PRELID2: variants seen among roughly 807,000 people sequenced by gnomAD.
PRELID2 encodes PRELI domain-containing protein 2.
PRELID2 carries 25 observed loss-of-function variants against 28.4 expected under a neutral mutation model. The ratio of observed to expected loss-of-function variants is 0.88; its 90% confidence interval spans 0.64 to 1.23. The LOEUF (loss-of-function observed/expected upper bound fraction) is 1.23. Among genes scored for constraint, PRELID2 ranks in the 50% most tolerant of loss-of-function variants. The pLI, the probability that PRELID2 is intolerant of heterozygous loss-of-function variation, is 0.00. For missense variants in PRELID2, 201 were observed against 214.4 expected, an observed-to-expected ratio of 0.94 and a Z score of 0.39; for synonymous variants, 76 against 71.6, an observed-to-expected ratio of 1.06 and a Z score of -0.31.
intron 1 of PRELID2, among the ~76,000 whole-genome samples, chr5:145,592,110 G>A (rs752842653): frequency 6.6e-5 from 10 of 152,058 alleles, no homozygotes; most frequent in East Asian, 3.9e-4. Context: ...ACCATCTTGC[G>A]CATCATTAGA....
chr5:145,576,254 A>G (rs1008684209), intron 1 of PRELID2, among the ~76,000 whole-genome samples: 2 of 152,146 alleles, frequency 1.3e-5, no homozygotes, highest in African/African-American at 4.8e-5. Context: ...GAAACCCCAT[A>G]TTAGCAGTCA....
intron 1 of PRELID2, among the ~76,000 whole-genome samples, chr5:145,519,340 C>G (rs923987113): frequency 6.6e-6 from 1 of 152,084 alleles, no homozygotes; most frequent in Non-Finnish European, 1.5e-5. Context: ...GTGTTAGACA[C>G]AATGTTTTAT....
chr5:145,542,183 C>T (rs536298864), intron 1 of PRELID2, among the ~76,000 whole-genome samples: 1 of 152,208 alleles, frequency 6.6e-6, no homozygotes, highest in African/African-American at 2.4e-5. Context: ...ACCTTTCGGT[C>T]TCCTCTGCTT....
intron 5 of PRELID2, among the ~76,000 whole-genome samples, chr5:145,792,149 C>T (rs1309784253): frequency 6.6e-6 from 1 of 152,120 alleles, no homozygotes; most frequent in Non-Finnish European, 1.5e-5. Context: ...ACGCAAGTGG[C>T]TTAAGTGCAC....
the PRELID2 span, among the ~76,000 whole-genome samples, chr5:145,234,417 G>A: frequency 2.0e-5 from 3 of 152,158 alleles, no homozygotes; most frequent in Non-Finnish European, 4.4e-5. Flanking sequence ...CAAAGGTAGA[G>A]TAAATACTTA....
the PRELID2 span, among the ~76,000 whole-genome samples, chr5:145,284,804 T>C: frequency 6.6e-6 from 1 of 152,132 alleles, no homozygotes; most frequent in Non-Finnish European, 1.5e-5. Flanking sequence ...AGGAATTTTC[T>C]TAACTAAGAG....
At chr5:145,622,660 A>C (rs1180997568) in intron 1 of PRELID2, among the ~76,000 whole-genome samples, 1 of 152,146 alleles carries the variant, frequency 6.6e-6, no homozygotes, top group Non-Finnish European at 1.5e-5. Flanking sequence ...TTGTTCAAGA[A>C]GGTTATTAAG....
In PRELID2 at chr5:145,728,742, A is replaced by G. The variant is rs188975887; in HGVS notation, n.70+36189T>C. 1,327 of 1,501,112 alleles carry G rather than the reference A, an allele frequency of 8.8e-4. 10 individuals are homozygous for G. In the African/African-American group the frequency reaches 0.016, roughly 18 times the overall value. The allele number at this position is 1,501,112 out of a possible 1,614,324, so 93.0% of individuals were successfully genotyped here. A position where few individuals can be genotyped will look rare whatever the true frequency, so the allele number is the denominator to read the frequency against. On this transcript the variant is annotated intron_variant and non_coding_transcript_variant, in intron 1 of 2. Transcript: ENST00000510259. ...GAACAGTGTCTTAAAACTCTCTTCA[A>G]CTGTTGTGAAGGCTTCATTTTGTTT...
At chr5:145,310,407 C>T in the PRELID2 span, among the ~76,000 whole-genome samples, 1 of 152,132 alleles carries the variant, frequency 6.6e-6, no homozygotes, top group South Asian at 2.1e-4. Context: ...GAAAATGCCA[C>T]CTTTGGAGAC....
intron 1 of PRELID2, among the ~76,000 whole-genome samples, chr5:145,654,835 G>T (rs2149673545): frequency 6.6e-6 from 1 of 152,240 alleles, no homozygotes; most frequent in South Asian, 2.1e-4. Context: ...TTGAAAACTG[G>T]CACAAGACAG....
the PRELID2 span, among the ~76,000 whole-genome samples, chr5:145,309,441 T>C: frequency 3.3e-5 from 5 of 152,290 alleles, no homozygotes; most frequent in East Asian, 1.9e-4. Context: ...TGATGCAGGA[T>C]TGCAGAATAG....
intron 1 of PRELID2, among the ~76,000 whole-genome samples, chr5:145,593,400 A>G (rs1594673): frequency 0.18 from 27,930 of 152,124 alleles, 4,363 homozygotes; most frequent in African/African-American, 0.42. Context: ...AAGGTTTCTA[A>G]GGTCATTTCA....
intron 1 of PRELID2, among the ~76,000 whole-genome samples, chr5:145,502,757 T>C (rs1752370737): frequency 6.6e-6 from 1 of 152,030 alleles, no homozygotes; most frequent in Non-Finnish European, 1.5e-5. Flanking sequence ...GTTAATTAAT[T>C]ACAGGCCTCC....
At chr5:145,802,361 G>A (rs1344404713) in intron 4 of PRELID2, among the ~76,000 whole-genome samples, 1 of 152,094 alleles carries the variant, frequency 6.6e-6, no homozygotes, top group Non-Finnish European at 1.5e-5. Flanking sequence ...AACAGATCAG[G>A]CCAAATGTTT....
At chr5:145,661,760 A>G (rs1436498246) in intron 1 of PRELID2, among the ~76,000 whole-genome samples, 1 of 152,086 alleles carries the variant, frequency 6.6e-6, no homozygotes, top group Non-Finnish European at 1.5e-5. Flanking sequence ...TATTCTAAAC[A>G]GCATGTAGTC....
At chr5:145,393,625 G>A in the PRELID2 span, among the ~76,000 whole-genome samples, 2 of 152,170 alleles carry the variant, frequency 1.3e-5, no homozygotes, top group Non-Finnish European at 2.9e-5. Flanking sequence ...AACCTGGTTT[G>A]AACAGTTAGC....
chr5:145,230,838 C>T, the PRELID2 span, among the ~76,000 whole-genome samples: 52 of 152,306 alleles, frequency 3.4e-4, no homozygotes, highest in Admixed American at 1.3e-3. Context: ...AAATCCATTT[C>T]CATGATGGCT....
the PRELID2 span, among the ~76,000 whole-genome samples, chr5:145,360,140 GA>G: frequency 5.9e-5 from 9 of 152,266 alleles, no homozygotes; most frequent in East Asian, 1.7e-3. Context: ...AAGCAGGCCA[GA>G]AGAACAAGAA....
intron 1 of PRELID2, among the ~76,000 whole-genome samples, chr5:145,564,826 T>C (rs1244760353): frequency 6.6e-6 from 1 of 152,200 alleles, no homozygotes; most frequent in East Asian, 1.9e-4. Context: ...CAAATAAGGC[T>C]TCATCTTCTT....
Sources: allele counts gnomAD v4.1 joint callset (sites outside exome capture counted in the v4.1 genomes callset), GRCh38; gene constraint gnomAD v4.1.1; transcripts MANE v1.5; gene names NCBI Gene and HGNC (gene_info 2026-07-23, HGNC 2026-07-21).